The following ZFYVE1 variants were observed in gnomAD, a reference collection of about 807,000 sequenced individuals.
The protein encoded by ZFYVE1 is zinc finger FYVE domain-containing protein 1.
Under a neutral mutation model 74.4 loss-of-function variants are expected in ZFYVE1, and 30 were observed. The observed-to-expected ratio is 0.40, with a 90% confidence interval of 0.30 to 0.55. The LOEUF is 0.55. Ranked by LOEUF, ZFYVE1 falls within the 20% of genes least tolerant of loss-of-function variation. ZFYVE1 has a pLI of 0.42. For missense variants in ZFYVE1, 703 were observed against 1,011.6 expected, an observed-to-expected ratio of 0.69 and a Z score of 4.14; for synonymous variants, 335 against 385.1, an observed-to-expected ratio of 0.87 and a Z score of 1.52.
In ZFYVE1 at chr14:72,970,920, C is replaced by T. The variant is rs751765626; in HGVS notation, c.2296G>A (p.Val766Ile). The T allele has an allele frequency of 3.1e-6, 5 of 1,614,108 alleles. No individual in the cohort carries two copies. The African/African-American group carries it at 4.0e-5, about 13-fold the overall frequency. Residue 766 changes from valine (V) to isoleucine (I), a missense_variant, in exon 12 of 12, where the codon GTC (valine) becomes ATC (isoleucine). By Grantham distance (29) the Val-to-Ile change is conservative. Coordinates refer to ENST00000556143, the MANE Select transcript of ZFYVE1 (RefSeq NM_021260.4). ...GGCTTTTTATTGCAGTTGAAGCAGA[C>T]TCGGACGGGATGGTCCCAGCCACGA... ...PSRGWDHPVRVCFNCNKKPGD... is the reference protein window; with the variant it reads ...PSRGWDHPVRICFNCNKKPGD...
intron 2 of ZFYVE1, among the ~76,000 whole-genome samples, chr14:73,023,422 T>G: frequency 7.4e-6 from 1 of 134,948 alleles, no homozygotes; most frequent in East Asian, 2.0e-4. Context: ...ATTTTATGTT[T>G]TATATATATT....
chr14:72,981,511 C>T (rs1015065536), intron 5 of ZFYVE1, among the ~76,000 whole-genome samples: 3 of 152,112 alleles, frequency 2.0e-5, no homozygotes, highest in African/African-American at 7.2e-5. Context: ...CCTCCCAAAC[C>T]AGAAGCTGGT....
At chr14:72,979,699 T>C (rs577997878) in intron 5 of ZFYVE1, among the ~76,000 whole-genome samples, 2 of 146,468 alleles carry the variant, frequency 1.4e-5, no homozygotes, top group African/African-American at 5.0e-5. Flanking sequence ...TTGGAAAAAC[T>C]ACCTGTCCCC....
intron 2 of ZFYVE1, among the ~76,000 whole-genome samples, chr14:73,003,998 C>T (rs61986542): frequency 0.056 from 8,593 of 152,248 alleles, 329 homozygotes; most frequent in Non-Finnish European, 0.089. Context: ...ACCTTAAACG[C>T]TTCTCCCATC....
At chr14:73,012,281 A>G (rs1894107366) in intron 2 of ZFYVE1, among the ~76,000 whole-genome samples, 1 of 152,236 alleles carries the variant, frequency 6.6e-6, no homozygotes, top group Middle Eastern at 3.4e-3. Context: ...ATGACCTACC[A>G]ATTACAAACT....
At chr14:73,010,820 T>C (rs1252317436) in intron 2 of ZFYVE1, among the ~76,000 whole-genome samples, 2 of 135,780 alleles carry the variant, frequency 1.5e-5, no homozygotes, top group Non-Finnish European at 3.2e-5. Context: ...AAAAAAATTA[T>C]AGAGTCAGGG....
At chr14:72,986,007 A>C (rs537748188) in intron 4 of ZFYVE1, among the ~76,000 whole-genome samples, 1 of 152,348 alleles carries the variant, frequency 6.6e-6, no homozygotes, top group South Asian at 2.1e-4. Flanking sequence ...AATGATATAA[A>C]TCTGGCATGA....
rs373571056 is a variant in ZFYVE1, at chr14:73,025,566, G to A, written c.-434-624C>T. ...CAAATATTAGCTGGGCATGGTGGCA[G>A]GCACGTGTAATCCAAGCTACTAGGG... is the stretch of plus-strand genomic sequence containing the variant. On this transcript the variant is annotated intron_variant, in intron 1 of 11. Coordinates refer to ENST00000556143, the MANE Select transcript of ZFYVE1 (RefSeq NM_021260.4). Among the ~76,000 whole-genome samples the A allele has an allele frequency of 1.5e-4, 22 of 151,686 alleles. No individual in the cohort carries two copies. The East Asian group carries it at 2.6e-3, about 18-fold the overall frequency.
chr14:72,977,174 G>A (rs528317763), intron 8 of ZFYVE1, among the ~76,000 whole-genome samples: 3 of 152,306 alleles, frequency 2.0e-5, no homozygotes, highest in East Asian at 1.9e-4. Context: ...TTGGGAGGCC[G>A]AGGTGGGCAG....
intron 11 of ZFYVE1, among the ~76,000 whole-genome samples, chr14:72,972,910 G>A (rs1188236911): frequency 4.6e-5 from 7 of 152,044 alleles, no homozygotes; most frequent in East Asian, 2.0e-4. Context: ...GGTTTTCACC[G>A]TGTGTTGGCC....
At chr14:73,000,578 T>C (rs1457485658) in intron 2 of ZFYVE1, among the ~76,000 whole-genome samples, 3 of 149,160 alleles carry the variant, frequency 2.0e-5, no homozygotes, top group Non-Finnish European at 4.4e-5. Flanking sequence ...CACTCCAGGA[T>C]GGGTGACAGA....
rs1425759020 is a variant in ZFYVE1 at position 73,024,224 on chromosome 14, G to C, written c.285C>G (p.Cys95Trp). The C allele has an allele frequency of 6.2e-7, 1 of 1,614,102 alleles. No homozygotes were observed. The highest frequency in any genetic ancestry group is 8.5e-7 in the Non-Finnish European group (1 of 1,180,010). The change falls in exon 2 of 12, where the codon TGC (cysteine) becomes TGG (tryptophan). Residue 95 changes from cysteine to tryptophan, a missense_variant. Cys to Trp is a radical substitution (Grantham distance 215). Around this residue, in one of 2 missense-constraint regions of ZFYVE1, gnomAD observed 211 missense variants for 221.7 expected, o/e 0.95. Coordinates refer to ENST00000556143, the MANE Select transcript of ZFYVE1 (RefSeq NM_021260.4). ...GGCACTCCAGGCACAAGTTAATTTT[G>C]CAGGTCTGGCACCTCACTATTGCCC... is the stretch of plus-strand genomic sequence containing the variant. ...RQRAIVRCQT[C>W]KINLCLECQK... is the part of the protein sequence containing the mutation.
chr14:72,985,205 G>A (rs750142852), intron 4 of ZFYVE1, among the ~76,000 whole-genome samples: 1 of 152,218 alleles, frequency 6.6e-6, no homozygotes, highest in Admixed American at 6.5e-5. Context: ...ACCCAGGCTG[G>A]AGTGCAGTGG....
chr14:72,990,117 C>T (rs12888238), intron 4 of ZFYVE1, among the ~76,000 whole-genome samples: 26,130 of 152,128 alleles, frequency 0.17, 2,395 homozygotes, highest in South Asian at 0.24. Context: ...AGAGTGATAA[C>T]CAGAGAATTA....
intron 2 of ZFYVE1, among the ~76,000 whole-genome samples, chr14:73,023,165 A>AAT (rs772492397): frequency 0.047 from 45 of 952 alleles, no homozygotes; most frequent in African/African-American, 0.083. Flanking sequence ...CATCTCAAAA[A>AAT]ATATATATAT....
intron 3 of ZFYVE1, among the ~76,000 whole-genome samples, chr14:72,995,563 C>T (rs74062627): frequency 0.013 from 2,008 of 152,256 alleles, 45 homozygotes; most frequent in African/African-American, 0.044. Context: ...GGGCTGGTTA[C>T]TTCAAAATCC....
chr14:72,994,322 C>CAAAAAAAAAAAA lies in ZFYVE1; in HGVS notation c.989-977_989-966dup, dbSNP rs71109776. On this transcript the variant is annotated intron_variant, in intron 3 of 11. Coordinates refer to ENST00000556143, the MANE Select transcript of ZFYVE1 (RefSeq NM_021260.4). The stretch of plus-strand genomic sequence containing the variant: ...TGGGAGACAGAGCGAGACGCTGTCT[C>CAAAAAAAAAAAA]AAAAAAAAAAAAAAAAAAAAAAAAA... Among the ~76,000 whole-genome samples, 13 of 31,140 alleles carry CAAAAAAAAAAAA rather than the reference C, an allele frequency of 4.2e-4. 2 individuals are homozygous for CAAAAAAAAAAAA. Among genetic ancestry groups the CAAAAAAAAAAAA allele is most frequent in the African/African-American group, 1.4e-3 (11 of 8,098 alleles). 20.4% of individuals were successfully genotyped at this position (31,140 alleles called of 152,430 possible).
intron 5 of ZFYVE1, among the ~76,000 whole-genome samples, chr14:72,980,532 AATTAATTTATTTATTTATTTATTTATTT>A (rs1197948382): frequency 1.0e-5 from 1 of 97,424 alleles, no homozygotes; most frequent in Admixed American, 9.2e-5. Context: ...CCTGAGAATT[AATTAATTTATTTATTTATTTATTTATTT>A]ATTTATTTAT....
At chr14:73,017,424 G>C (rs1227085133) in intron 2 of ZFYVE1, among the ~76,000 whole-genome samples, 1 of 152,190 alleles carries the variant, frequency 6.6e-6, no homozygotes, top group Non-Finnish European at 1.5e-5. Flanking sequence ...CATTGCCAAT[G>C]TCCCTTGAGG....
Sources: gnomAD v4.1 joint callset for allele counts (sites outside exome capture counted in the v4.1 genomes callset) on GRCh38, gnomAD v4.1.1 for gene constraint, gnomAD v4.1.1 regional missense constraint, MANE v1.5 for transcripts, NCBI Gene and HGNC (gene_info 2026-07-23, HGNC 2026-07-21) for gene names.